The following TCF7L2 variants were observed in gnomAD, a reference collection of about 807,000 sequenced individuals.
TCF7L2 encodes the protein transcription factor 7 like 2.
TCF7L2 carries 23 observed loss-of-function variants against 77.9 expected under a neutral mutation model. The ratio of observed to expected loss-of-function variants is 0.30; its 90% CI spans 0.21 to 0.42. TCF7L2 has a LOEUF of 0.42. Ranked by LOEUF, TCF7L2 falls within the 10% of genes least tolerant of loss-of-function variation. The pLI is 1.00. For synonymous variants in TCF7L2, 413 were observed against 340.2 expected (o/e 1.21, Z -2.36); for missense variants, 654 against 793.1 (o/e 0.82, Z 2.11).
chr10:113,133,896 C>T (rs924098034), intron 5 of TCF7L2, among the ~76,000 whole-genome samples: 1 of 152,172 alleles, frequency 6.6e-6, no homozygotes, highest in Admixed American at 6.5e-5. Flanking sequence ...ACTCTGCAGC[C>T]TGCGGGGGTA....
At position 112,950,637 on chromosome 10, in the gene TCF7L2, G is replaced by T. The variant is rs2030705637; in HGVS notation, c.-120G>T. ...CCCCAAGCAGAAAAAAGTTCACCTTGGACTCGTCTTTTTCTTGCAATATTT... is the reference window on the plus strand; with the variant it reads ...CCCCAAGCAGAAAAAAGTTCACCTTTGACTCGTCTTTTTCTTGCAATATTT... On this transcript the variant is annotated 5_prime_UTR_variant, in exon 1 of 14. Coordinates refer to ENST00000627217, the MANE Select transcript of TCF7L2 (RefSeq NM_001146274.2). The T allele has an allele frequency of 1.5e-5, 18 of 1,164,814 alleles. No individual in the cohort carries two copies. In the South Asian group the frequency reaches 2.7e-4, roughly 17 times the overall value. 72.2% of individuals were successfully genotyped at this position (1,164,814 alleles called of 1,614,324 possible). A position where few individuals can be genotyped will look rare whatever the true frequency, so the allele number is the denominator to read the frequency against.
chr10:113,046,837 T>C (rs1424251064), intron 5 of TCF7L2, among the ~76,000 whole-genome samples: 1 of 152,222 alleles, frequency 6.6e-6, no homozygotes, highest in Non-Finnish European at 1.5e-5. Context: ...TATTTCCTTT[T>C]AGAAATATAC....
rs887453770 is a variant in TCF7L2, at chr10:113,129,603, A to G, written c.553-11581A>G. ...TAGGGATGTGTGTACAGGGGGAAGG[A>G]TTAACAAGATAATTCTAGGCAATAT... On this transcript the variant is annotated intron_variant, in intron 5 of 13. Transcript: ENST00000627217. The G allele has an allele frequency of 2.0e-5, 23 of 1,137,990 alleles. No individual in the cohort carries two copies. The African/African-American group carries it at 3.7e-4, about 18-fold the overall frequency. The allele number at this position is 1,137,990 out of a possible 1,614,324, so 70.5% of individuals were successfully genotyped here. A position where few individuals can be genotyped will look rare whatever the true frequency, so the allele number is the denominator to read the frequency against.
At chr10:113,035,790 T>C (rs1590810004) in intron 4 of TCF7L2, among the ~76,000 whole-genome samples, 1 of 152,364 alleles carries the variant, frequency 6.6e-6, no homozygotes, top group East Asian at 1.9e-4. Flanking sequence ...TCAGTATCTG[T>C]AAATAAGCTT....
intron 5 of TCF7L2, among the ~76,000 whole-genome samples, chr10:113,104,013 A>G (rs1016951859): frequency 6.6e-6 from 1 of 152,194 alleles, no homozygotes; most frequent in African/African-American, 2.4e-5. Context: ...GTGCCCTTGC[A>G]TATAAGTTGT....
chr10:112,997,293 A>T (rs1172936256), intron 4 of TCF7L2, among the ~76,000 whole-genome samples: 1 of 152,246 alleles, frequency 6.6e-6, no homozygotes, highest in Non-Finnish European at 1.5e-5. Flanking sequence ...CATTTTAAAA[A>T]GCGGTGGAAA....
At position 113,152,457 on chromosome 10, in the gene TCF7L2, C is replaced by T. The variant is rs375283223; in HGVS notation, c.1269+17C>T. 172 of 1,597,022 alleles carry T rather than the reference C, an allele frequency of 1.1e-4. No individual in the cohort carries two copies. In the Middle Eastern group the frequency reaches 1.8e-3, roughly 17 times the overall value. ...GATAACTATGTAGGTGGATCATTTT[C>T]GTTAGGATTGGAGTCTGTAGAGCTG... On this transcript the variant is annotated intron_variant, in intron 11 of 13. Transcript: ENST00000627217.
chr10:112,965,629 A>ATGTGTGTGTGTGTGTG (rs59587175), intron 4 of TCF7L2, among the ~76,000 whole-genome samples: 1 of 137,214 alleles, frequency 7.3e-6, no homozygotes, highest in Non-Finnish European at 1.6e-5. Context: ...GTGTGTGTAT[A>ATGTGTGTGTGTGTGTG]TGTGTGTGTG....
intron 4 of TCF7L2, among the ~76,000 whole-genome samples, chr10:112,981,693 A>T (rs532764368): frequency 6.6e-6 from 1 of 152,348 alleles, no homozygotes; most frequent in Non-Finnish European, 1.5e-5. Flanking sequence ...AGAAAACCAC[A>T]TGCCACATGC....
At chr10:112,998,371 A>C (rs965606868) in intron 4 of TCF7L2, among the ~76,000 whole-genome samples, 8 of 152,254 alleles carry the variant, frequency 5.3e-5, no homozygotes, top group Non-Finnish European at 8.8e-5. Context: ...GACATACACA[A>C]AAGTTTTATT....
At chr10:112,993,160 T>A (rs1156967695) in intron 4 of TCF7L2, among the ~76,000 whole-genome samples, 3 of 151,994 alleles carry the variant, frequency 2.0e-5, no homozygotes, top group Non-Finnish European at 4.4e-5. Context: ...CCCCACTCCA[T>A]TTTGTGAATC....
intron 5 of TCF7L2, among the ~76,000 whole-genome samples, chr10:113,085,793 G>C (rs949339838): frequency 6.6e-6 from 1 of 152,202 alleles, no homozygotes; most frequent in Non-Finnish European, 1.5e-5. Flanking sequence ...CTTTCCGCAG[G>C]AGAAACACAC....
chr10:113,164,596 T>TA (rs34634002), intron 13 of TCF7L2, among the ~76,000 whole-genome samples: 14,771 of 141,282 alleles, frequency 0.1, 935 homozygotes, highest in East Asian at 0.19. Context: ...CCCCAAATCT[T>TA]AAAAAAAAAA....
intron 5 of TCF7L2, among the ~76,000 whole-genome samples, chr10:113,130,567 G>A (rs760630438): frequency 5.9e-5 from 9 of 152,062 alleles, no homozygotes; most frequent in Non-Finnish European, 8.8e-5. Context: ...GCTTTTTAGG[G>A]CTATGGTCTT....
intron 4 of TCF7L2, among the ~76,000 whole-genome samples, chr10:113,023,488 T>C (rs1487285993): frequency 6.6e-6 from 1 of 152,144 alleles, no homozygotes; most frequent in Non-Finnish European, 1.5e-5. Flanking sequence ...TTTTTATTTT[T>C]TGAGATGGAG....
chr10:113,047,788 G>A (rs941083624), intron 5 of TCF7L2, among the ~76,000 whole-genome samples: 4 of 152,180 alleles, frequency 2.6e-5, no homozygotes, highest in Non-Finnish European at 5.9e-5. Flanking sequence ...GTTGGCTCCT[G>A]TGATTAAGGT....
intron 5 of TCF7L2, among the ~76,000 whole-genome samples, chr10:113,054,197 G>A (rs1432592525): frequency 1.8e-4 from 28 of 152,244 alleles, no homozygotes; most frequent in Admixed American, 1.8e-3. Context: ...ATCACAATGA[G>A]CCTTCTATTC....
intron 5 of TCF7L2, among the ~76,000 whole-genome samples, chr10:113,128,249 G>A (rs912177808): frequency 3.3e-5 from 5 of 152,108 alleles, no homozygotes; most frequent in Non-Finnish European, 5.9e-5. Flanking sequence ...GGCCAGATAA[G>A]TCCAGAAAGA....
intron 5 of TCF7L2, among the ~76,000 whole-genome samples, chr10:113,067,678 G>A (rs1235810294): frequency 1.3e-5 from 2 of 152,148 alleles, no homozygotes; most frequent in East Asian, 1.9e-4. Context: ...CCTCGGCTGA[G>A]ACCCAGACAG....
Sources: allele counts gnomAD v4.1 joint callset (sites outside exome capture counted in the v4.1 genomes callset), GRCh38; gene constraint gnomAD v4.1.1; transcripts MANE v1.5; gene names NCBI Gene and HGNC (gene_info 2026-07-23, HGNC 2026-07-21).